CNTN6: variants seen among roughly 807,000 people sequenced by gnomAD.
CNTN6 encodes the protein contactin-6.
A neutral mutation model predicts 122.8 loss-of-function variants in CNTN6; 137 were observed. That is an observed-to-expected ratio of 1.12 (90% CI 0.97 to 1.29). CNTN6 has a LOEUF of 1.29. Ranked by LOEUF, CNTN6 falls within the 50% of genes most tolerant of loss-of-function variation. The probability of loss-of-function intolerance (pLI) is 0.00; values close to 1 mark genes in which losing one functional copy is unlikely to be tolerated. For synonymous variants in CNTN6, 570 were observed against 426.0 expected (o/e 1.34, Z -4.16); for missense variants, 1,634 against 1,223.4 (o/e 1.34, Z -5.01).
intron 20 of CNTN6, among the ~76,000 whole-genome samples, chr3:1,401,062 G>A (rs1695630734): frequency 6.6e-6 from 1 of 152,048 alleles, no homozygotes; most frequent in African/African-American, 2.4e-5. Context: ...TATATAAAAT[G>A]TTTGCAACTT....
chr3:1,100,190 T>C (rs2124948897), intron 1 of CNTN6, among the ~76,000 whole-genome samples: 1 of 152,320 alleles, frequency 6.6e-6, no homozygotes, highest in South Asian at 2.1e-4. Context: ...TTTAAGGTCA[T>C]TCAAAAATTG....
chr3:1,096,123 A>T (rs1191163814), intron 1 of CNTN6, among the ~76,000 whole-genome samples: 1 of 152,066 alleles, frequency 6.6e-6, no homozygotes, highest in Non-Finnish European at 1.5e-5. Flanking sequence ...GAAATGTGTA[A>T]ATGTTTAAAC....
rs558831848 is a variant in CNTN6, at chr3:1,233,071, A to G, written c.358+5078A>G. Among the ~76,000 whole-genome samples, 6 of 152,350 alleles carry G rather than the reference A, an allele frequency of 3.9e-5. No homozygotes were observed. The East Asian group carries it at 1.2e-3, about 29-fold the overall frequency. ...GAAAACTAATTTGGAGCCACTTATA[A>G]GTAGTCCTTTATATCCGGGCCTAAT... On this transcript the variant is annotated intron_variant, in intron 4 of 22. Transcript: ENST00000446702.
chr3:1,375,775 G>A (rs1243029839), intron 16 of CNTN6, among the ~76,000 whole-genome samples: 1 of 152,006 alleles, frequency 6.6e-6, no homozygotes, highest in Non-Finnish European at 1.5e-5. Context: ...AGCTGACAAA[G>A]TTAAGGGTAA....
At chr3:1,307,029 A>G (rs1335435182) in intron 7 of CNTN6, among the ~76,000 whole-genome samples, 1 of 152,184 alleles carries the variant, frequency 6.6e-6, no homozygotes, top group African/African-American at 2.4e-5. Flanking sequence ...TCATTTAGGT[A>G]GTCAGTCAGG....
chr3:1,267,078 A>C (rs1237717452), intron 4 of CNTN6, among the ~76,000 whole-genome samples: 4 of 144,972 alleles, frequency 2.8e-5, no homozygotes, highest in African/African-American at 5.2e-5. Flanking sequence ...GCCACGCCCC[A>C]CTAATTTTTT....
chr3:1,300,100 C>T (rs917984249), intron 7 of CNTN6, among the ~76,000 whole-genome samples: 18 of 152,120 alleles, frequency 1.2e-4, no homozygotes, highest in African/African-American at 4.3e-4. Flanking sequence ...CCTCAGCCTC[C>T]CAAGTAGCTG....
At chr3:1,253,274 C>T (rs891200466) in intron 4 of CNTN6, among the ~76,000 whole-genome samples, 9 of 152,238 alleles carry the variant, frequency 5.9e-5, no homozygotes, top group African/African-American at 1.4e-4. Flanking sequence ...AAAGAAGAAA[C>T]GCATACATTT....
chr3:1,244,348 G>A (rs912313730), intron 4 of CNTN6, among the ~76,000 whole-genome samples: 7 of 151,746 alleles, frequency 4.6e-5, no homozygotes, highest in Middle Eastern at 3.2e-3. Context: ...GGGACTTGCC[G>A]CTGAGGGTGA....
intron 1 of CNTN6, among the ~76,000 whole-genome samples, chr3:1,097,465 ATT>A (rs1160457856): frequency 2.0e-5 from 3 of 152,246 alleles, no homozygotes; most frequent in Non-Finnish European, 4.4e-5. Context: ...CGTATGAAGT[ATT>A]ATAAAAAACG....
intron 11 of CNTN6, among the ~76,000 whole-genome samples, chr3:1,338,370 G>C (rs1263318633): frequency 6.6e-6 from 1 of 152,028 alleles, no homozygotes; most frequent in Non-Finnish European, 1.5e-5. Context: ...TGATTTAGTA[G>C]GTGTGGAATA....
At position 1,300,569 on chromosome 3, in the gene CNTN6, GAA is replaced by G. The variant is rs1488041201; in HGVS notation, c.761+2580_761+2581del. On this transcript the variant is annotated intron_variant, in intron 7 of 22. Transcript: ENST00000446702. ...AGAAAGAGAAAGAAAAAGAAAGAAA[GAA>G]AGAAAGAAAGAAAGAAAGAAAGAAA... is the stretch of plus-strand genomic sequence containing the variant. 2.6e-3 allele frequency among the ~76,000 whole-genome samples: 127 copies of G among 48,938 alleles called. 5 individuals are homozygous for G. The highest frequency in any genetic ancestry group is 0.018 in the African/African-American group (123 of 6,974). 32.1% of individuals were successfully genotyped at this position (48,938 alleles called of 152,430 possible).
At chr3:1,357,191 T>C (rs941690553) in intron 12 of CNTN6, among the ~76,000 whole-genome samples, 1 of 151,912 alleles carries the variant, frequency 6.6e-6, no homozygotes, top group African/African-American at 2.4e-5. Flanking sequence ...AAACCTATTA[T>C]TGGTCAAAGT....
At chr3:1,389,759 C>G (rs1693812374) in intron 20 of CNTN6, among the ~76,000 whole-genome samples, 1 of 149,770 alleles carries the variant, frequency 6.7e-6, no homozygotes, top group Non-Finnish European at 1.5e-5. Context: ...GGGTTGCAAT[C>G]CTAGTCTCTG....
chr3:1,262,821 G>A (rs2094868542), intron 4 of CNTN6, among the ~76,000 whole-genome samples: 1 of 151,734 alleles, frequency 6.6e-6, no homozygotes, highest in Admixed American at 6.6e-5. Flanking sequence ...AATATTTACT[G>A]TACAATATGC....
intron 19 of CNTN6, 79 bp from the exon 20 acceptor site, chr3:1,385,532 T>A: frequency 8.9e-7 from 1 of 1,129,638 alleles, no homozygotes; most frequent in Non-Finnish European, 1.3e-6. Context: ...CTTGTGGTTG[T>A]GGTTGATAGT....
At chr3:1,330,905 G>A (rs562540673) in intron 11 of CNTN6, among the ~76,000 whole-genome samples, 91 of 151,998 alleles carry the variant, frequency 6.0e-4, no homozygotes, top group Non-Finnish European at 8.7e-4. Flanking sequence ...GTTGCCTTGC[G>A]GGAAATGAGA....
At chr3:1,097,583 G>T (rs1218769921) in intron 1 of CNTN6, among the ~76,000 whole-genome samples, 1 of 152,188 alleles carries the variant, frequency 6.6e-6, no homozygotes, top group Non-Finnish European at 1.5e-5. Context: ...GCCCATTGTA[G>T]ATTTCCTTCC....
chr3:1,321,880 C>A (rs1700912409), intron 8 of CNTN6, 46 bp downstream of exon 8: 1 of 1,447,204 alleles, frequency 6.9e-7, no homozygotes, highest in Non-Finnish European at 9.4e-7. Flanking sequence ...TTGGTAATGC[C>A]CTTCATAATA....
Sources: allele counts gnomAD v4.1 joint callset (sites outside exome capture counted in the v4.1 genomes callset), GRCh38; gene constraint gnomAD v4.1.1; transcripts MANE v1.5; gene names NCBI Gene and HGNC (gene_info 2026-07-23, HGNC 2026-07-21).